PARP10: variants seen among roughly 807,000 people sequenced by gnomAD.
The protein encoded by PARP10 is poly(ADP-ribose) polymerase family member 10.
PARP10 carries 56 observed loss-of-function variants against 82.4 expected under a neutral mutation model. The observed-to-expected ratio is 0.68, with a 90% CI of 0.55 to 0.85. PARP10 has a LOEUF of 0.85. Among genes scored for constraint, PARP10 ranks in the 40% least tolerant of loss-of-function variants. The pLI is 0.00. For synonymous variants in PARP10, 576 were observed against 601.1 expected (o/e 0.96, Z 0.61); for missense variants, 1,227 against 1,379.4 (o/e 0.89, Z 1.75).
chr8:143,986,725 A>C, upstream of PARP10: 6 of 396,584 alleles, frequency 1.5e-5, no homozygotes, highest in Non-Finnish European at 2.3e-5. Context: ...TGGCCTGAAA[A>C]TGGCCAATCA....
In PARP10 at chr8:144,008,448, C is replaced by A. The variant is rs1834249456; in HGVS notation, c.-80+4082G>T. Among the ~76,000 whole-genome samples the A allele has an allele frequency of 6.6e-6, 1 of 152,236 alleles. No individual in the cohort carries two copies. The highest frequency in any genetic ancestry group is 2.1e-4 in the South Asian group (1 of 4,834). ...TGAGGCAAATTTGAATGGGGACAAA[C>A]TGTGCAAAAGCCAGTGACCCAAGAC... On this transcript the variant is annotated intron_variant, in intron 1 of 3. Transcript: ENST00000530478. The surrounding 1 kb of genome is among the most constrained non-coding windows in gnomAD (Gnocchi z 4.0).
chr8:143,986,041 G>C lies in PARP10; in HGVS notation c.181+14C>G. On this transcript the variant is annotated intron_variant, in intron 2 of 10. Transcript: ENST00000313028. ...TCAGGGCACCCAGGCTGTCCCTTCA[G>C]CCAGCCCTCTCACCTGCAGGCTCTC... The C allele has an allele frequency of 6.2e-7, 1 of 1,611,218 alleles. No homozygotes were observed. Among genetic ancestry groups the C allele is most frequent in the Non-Finnish European group, 8.5e-7 (1 of 1,177,802 alleles).
At chr8:143,982,521 G>A (rs963235727) in intron 9 of PARP10, among the ~76,000 whole-genome samples, 1 of 152,204 alleles carries the variant, frequency 6.6e-6, no homozygotes. Flanking sequence ...TGACCGCAGC[G>A]AGCCCGGGCC....
chr8:143,982,813 C>T, intron 9 of PARP10, 119 bp downstream of exon 9: 2 of 1,467,246 alleles, frequency 1.4e-6, no homozygotes, highest in South Asian at 2.6e-5. Context: ...GGGAGCCTGT[C>T]AGCTCCTGGT....
Position 143,984,641 on chromosome 8 carries a change from GC to G in PARP10, c.1360del (p.Ala454ArgfsTer29). On this transcript the variant is annotated frameshift_variant, in exon 5 of 11. Coordinates refer to ENST00000313028, the MANE Select transcript of PARP10 (RefSeq NM_032789.5). LOFTEE classifies it high-confidence loss of function. Reference sequence around the variant, plus strand: ...ATGGTAGAGCTGCAGGAAGCGCATCGCCCCTGGCTCCATCAATAGCACCATC... The same window carrying G: ...ATGGTAGAGCTGCAGGAAGCGCATCGCCCTGGCTCCATCAATAGCACCATC... ...VEMVLLMEPG[A>X]MRFLQLYHED... The G allele has an allele frequency of 6.2e-7, 1 of 1,614,024 alleles. No homozygotes were observed.
rs527820717 is a variant in PARP10 at position 144,011,413 on chromosome 8, C to T, written c.-80+1117G>A. On this transcript the variant is annotated intron_variant, in intron 1 of 3. Coordinates refer to the PARP10 transcript ENST00000530478. The surrounding 1 kb of genome is among the most constrained non-coding windows in gnomAD (Gnocchi z 4.5). The stretch of plus-strand genomic sequence containing the variant: ...TCCAGGCAGAATGCTCAACTCACAG[C>T]GATCCCAGCCCTGGCTGACCTTCTT... 3.9e-5 allele frequency among the ~76,000 whole-genome samples: 6 copies of T among 152,210 alleles called. No individual in the cohort carries two copies. Among genetic ancestry groups the T allele is most frequent in the South Asian group, 4.2e-4 (2 of 4,810 alleles).
chr8:144,002,252 A>G (rs1401398790), intron 1 of PARP10, among the ~76,000 whole-genome samples: 4 of 152,192 alleles, frequency 2.6e-5, no homozygotes, highest in African/African-American at 7.2e-5. Flanking sequence ...TGTAAGTCCA[A>G]TAAAAATCAC....
chr8:144,005,952 A>G (rs782254963), intron 1 of PARP10, among the ~76,000 whole-genome samples: 14 of 152,136 alleles, frequency 9.2e-5, no homozygotes, highest in Non-Finnish European at 1.9e-4. Context: ...CCAGAATGTC[A>G]GCTCCAGAGC....
At chr8:144,006,052 C>A (rs73715600) in intron 1 of PARP10, among the ~76,000 whole-genome samples, 2 of 152,118 alleles carry the variant, frequency 1.3e-5, no homozygotes, top group Admixed American at 1.3e-4. Flanking sequence ...GATCCTAGGG[C>A]CCCCCTAACC....
At position 144,001,729 on chromosome 8, in the gene PARP10, GAGAAAAGAAA is replaced by G. The variant is rs368728419; in HGVS notation, c.-80+10791_-80+10800del. Among the ~76,000 whole-genome samples the G allele has an allele frequency of 6.5e-3, 990 of 151,936 alleles. 7 individuals carry two copies. The highest frequency in any genetic ancestry group is 0.011 in the Non-Finnish European group (762 of 67,972). On this transcript the variant is annotated intron_variant, in intron 1 of 3. Coordinates refer to the PARP10 transcript ENST00000530478. ...CTCAAAAAGAGAAGAGAAGAGAAAA[GAGAAAAGAAA>G]AGAAAAGAAAAGAAAAGTCTGGGCA...
At chr8:143,994,862 G>A (rs1554751152), upstream of PARP10, among the ~76,000 whole-genome samples, 1 of 152,196 alleles carries the variant, frequency 6.6e-6, no homozygotes, top group African/African-American at 2.4e-5. Context: ...GGAGGAGAAA[G>A]AACCTGCCTA....
intron 1 of PARP10, among the ~76,000 whole-genome samples, chr8:144,005,222 C>G (rs1268503870): frequency 6.6e-6 from 1 of 150,724 alleles, no homozygotes; most frequent in Non-Finnish European, 1.5e-5. Context: ...AGGAGAGCAT[C>G]GGGGAGGGAC....
chr8:144,001,935 A>G (rs1389186876), intron 1 of PARP10, among the ~76,000 whole-genome samples: 1 of 150,206 alleles, frequency 6.7e-6, no homozygotes, highest in Non-Finnish European at 1.5e-5. Context: ...TTTGTTAGAC[A>G]TCATAATGTC....
In PARP10 at chr8:143,977,995, C is replaced by T. The variant is rs1050768240; in HGVS notation, c.2643G>A (p.Val881=). ...RLLQRCERRP[V]EQVLYHGTTA... ...TCGTGCCGTGGTACAGCACCTGCTC[C>T]ACCGGGCGCCGCTCGCATCGCTGCA... Residue 881 remains valine, a synonymous_variant, in exon 10 of 11, where the codon GTG becomes GTA. Coordinates refer to ENST00000313028, the MANE Select transcript of PARP10 (RefSeq NM_032789.5). The T allele has an allele frequency of 6.3e-6, 10 of 1,592,422 alleles. No individual in the cohort carries two copies. In the East Asian group the frequency reaches 2.0e-4, roughly 32 times the overall value.
Position 143,978,020 on chromosome 8 carries a change from A to G in PARP10, c.2618T>C (p.Leu873Pro). The change falls in exon 10 of 11, where the codon CTG becomes CCG. Residue 873 changes from leucine to proline, a missense_variant. Transcript: ENST00000313028. ...CACCGGGCGCCGCTCGCATCGCTGC[A>G]GCAGGCGCTCCCGGTACAGCTCATA... is the stretch of plus-strand genomic sequence containing the variant. Reference protein sequence around the residue: ...QQYELYRERLLQRCERRPVEQ... With the variant: ...QQYELYRERLPQRCERRPVEQ... The G allele has an allele frequency of 6.3e-7, 1 of 1,585,300 alleles. No individual in the cohort carries two copies. The highest frequency in any genetic ancestry group is 8.5e-7 in the Non-Finnish European group (1 of 1,172,260).
upstream of PARP10, chr8:143,991,644 G>C: frequency 6.3e-7 from 1 of 1,590,462 alleles, no homozygotes; most frequent in Non-Finnish European, 8.6e-7. Context: ...CGGGAGGGCA[G>C]GGGGAGGTGC....
chr8:143,997,242 T>A (rs1554751369), intron 1 of PARP10, among the ~76,000 whole-genome samples: 1 of 152,210 alleles, frequency 6.6e-6, no homozygotes, highest in Non-Finnish European at 1.5e-5. Context: ...CACTGCTGGA[T>A]AATACCTCTT....
upstream of PARP10, chr8:143,992,021 C>T (rs367845551): frequency 8.7e-6 from 14 of 1,613,822 alleles, no homozygotes; most frequent in African/African-American, 6.7e-5. Context: ...TCTCTCTCAT[C>T]GTCCTCAGCT....
At chr8:144,002,435 A>G (rs1052270180) in intron 1 of PARP10, among the ~76,000 whole-genome samples, 3 of 152,232 alleles carry the variant, frequency 2.0e-5, no homozygotes, top group Non-Finnish European at 4.4e-5. Context: ...TAAAATTGAC[A>G]TAGAAGAGTA....
Sources: allele counts gnomAD v4.1 joint callset (sites outside exome capture counted in the v4.1 genomes callset), GRCh38; gene constraint gnomAD v4.1.1; non-coding constraint Gnocchi (gnomAD v3.1); transcripts MANE v1.5; gene names NCBI Gene and HGNC (gene_info 2026-07-23, HGNC 2026-07-21).